CENPC: variants seen among roughly 807,000 people sequenced by gnomAD.
CENPC encodes centromere protein C.
A neutral mutation model predicts 112.1 loss-of-function variants in CENPC; 63 were observed. That is an observed-to-expected ratio of 0.56 (90% CI 0.46 to 0.69). The LOEUF (loss-of-function observed/expected upper bound fraction) is 0.69. Ranked by LOEUF, CENPC falls within the 30% of genes least tolerant of loss-of-function variation. CENPC has a pLI of 0.00. For synonymous variants in CENPC, 333 were observed against 367.6 expected, an observed-to-expected ratio of 0.91 and a Z score of 1.08; for missense variants, 1,000 against 1,103.8, an observed-to-expected ratio of 0.91 and a Z score of 1.33.
chr4:67,535,326 G>A (rs1327898135), intron 4 of CENPC, among the ~76,000 whole-genome samples: 1 of 151,716 alleles, frequency 6.6e-6, no homozygotes, highest in African/African-American at 2.4e-5. Flanking sequence ...AAAAAAGGAA[G>A]ATTTCAGATC....
At chr4:67,530,789 A>C (rs1560441712) in intron 5 of CENPC, 26 bp downstream of exon 5, 8 of 1,206,328 alleles carry the variant, frequency 6.6e-6, no homozygotes, top group Non-Finnish European at 9.4e-6. Context: ...ATCCAAGCAA[A>C]TAATGCCCAT....
At chr4:67,534,162 T>C (rs549513377) in intron 4 of CENPC, among the ~76,000 whole-genome samples, 163 of 152,254 alleles carry the variant, frequency 1.1e-3, no homozygotes, top group African/African-American at 3.6e-3. Flanking sequence ...ACACCTGTAA[T>C]CCCCATACTT....
chr4:67,506,243 C>T (rs1275383879), intron 11 of CENPC, among the ~76,000 whole-genome samples: 1 of 152,196 alleles, frequency 6.6e-6, no homozygotes, highest in Non-Finnish European at 1.5e-5. Flanking sequence ...CTTTAATACA[C>T]CACCTTTCAA....
At chr4:67,522,323 T>C (rs1726250719) in intron 5 of CENPC, among the ~76,000 whole-genome samples, 1 of 152,210 alleles carries the variant, frequency 6.6e-6, no homozygotes, top group Non-Finnish European at 1.5e-5. Flanking sequence ...TGTTCATGGA[T>C]TCAGTAAGTC....
chr4:67,506,698 A>T, intron 11 of CENPC, 90 bp downstream of exon 11: 1 of 1,071,732 alleles, frequency 9.3e-7, no homozygotes, highest in Non-Finnish European at 1.3e-6. Context: ...TTAAGCTTTT[A>T]ACAAAATTAA....
chr4:67,522,859 G>A (rs1301094578), intron 5 of CENPC, among the ~76,000 whole-genome samples: 1 of 152,108 alleles, frequency 6.6e-6, no homozygotes, highest in Non-Finnish European at 1.5e-5. Context: ...AATTATGTGG[G>A]CGCAGTGGTG....
At chr4:67,492,644 A>T (rs1458203974) in intron 15 of CENPC, 1 of 683,232 alleles carries the variant, frequency 1.5e-6, no homozygotes, top group Admixed American at 4.0e-5. Context: ...TTTGACTGGG[A>T]AATTTACTCA....
Position 67,493,873 on chromosome 4 carries a change from A to G in CENPC, c.2290+11T>C, listed in dbSNP as rs1725354415. 4.4e-6 allele frequency: 7 copies of G among 1,580,742 alleles called. No individual in the cohort carries two copies. The highest frequency in any genetic ancestry group is 2.2e-5 in the East Asian group (1 of 44,504). On this transcript the variant is annotated intron_variant, in intron 14 of 18. Transcript: ENST00000273853. ...TTTATTGACAGATATTATAACATAA[A>G]TAAGTTTTACCTGATGGCCTTCCTT...
intron 17 of CENPC, among the ~76,000 whole-genome samples, chr4:67,476,696 A>G (rs1196953935): frequency 6.6e-6 from 1 of 152,162 alleles, no homozygotes; most frequent in Non-Finnish European, 1.5e-5. Context: ...TAGGAAGTTC[A>G]GATACAAGCC....
chr4:67,537,963 T>TA (rs966483104), intron 4 of CENPC, among the ~76,000 whole-genome samples: 17 of 152,226 alleles, frequency 1.1e-4, no homozygotes, highest in African/African-American at 3.9e-4. Context: ...CATCCTGGGC[T>TA]AAAGAGTGAA....
intron 12 of CENPC, among the ~76,000 whole-genome samples, chr4:67,499,581 C>T (rs924915656): frequency 2.0e-5 from 3 of 152,200 alleles, no homozygotes; most frequent in Admixed American, 2.0e-4. Flanking sequence ...CTGGATTAGG[C>T]TTTGGCTTAA....
chr4:67,481,018 A>G (rs918590011), intron 17 of CENPC, among the ~76,000 whole-genome samples: 2 of 152,176 alleles, frequency 1.3e-5, no homozygotes, highest in Non-Finnish European at 2.9e-5. Flanking sequence ...GCTGTTTGCC[A>G]ATGATATGAT....
chr4:67,473,931 C>T (rs928939875), intron 18 of CENPC, among the ~76,000 whole-genome samples: 2 of 152,100 alleles, frequency 1.3e-5, no homozygotes, highest in Admixed American at 6.6e-5. Flanking sequence ...TTCTGCTGTT[C>T]GATAGCTGAT....
rs1317315149 is a variant in CENPC, at chr4:67,541,027, T to G, written c.89A>C (p.Gln30Pro). The change falls in exon 3 of 19, where the codon CAA (glutamine) becomes CCA (proline). Residue 30 changes from glutamine (Q) to proline (P), a missense_variant. Coordinates refer to ENST00000273853, the MANE Select transcript of CENPC (RefSeq NM_001812.4). ...TAAGATTTCCAGAACATTCTGGCCTTGCTCTGTGTTAATGTCACGTGCCCT... is the reference window on the plus strand; with the variant it reads ...TAAGATTTCCAGAACATTCTGGCCTGGCTCTGTGTTAATGTCACGTGCCCT... ...PSRARDINTEQGQNVLEILQD... is the reference protein window; with the variant it reads ...PSRARDINTEPGQNVLEILQD... The G allele has an allele frequency of 2.5e-6, 4 of 1,610,044 alleles. No individual in the cohort carries two copies. The highest frequency in any genetic ancestry group is 3.4e-6 in the Non-Finnish European group (4 of 1,178,070).
intron 2 of CENPC, among the ~76,000 whole-genome samples, chr4:67,542,018 A>G (rs1202232364): frequency 6.6e-6 from 1 of 152,210 alleles, no homozygotes; most frequent in Non-Finnish European, 1.5e-5. Flanking sequence ...GAATGTACCA[A>G]TATTTCATTG....
At position 67,472,126 on chromosome 4, in the gene CENPC, C is replaced by T. The variant is rs545096585; in HGVS notation, c.*479G>A. On this transcript the variant is annotated 3_prime_UTR_variant, in exon 19 of 19. Transcript: ENST00000273853. ...AACACCTTGATTTCAGACTTCTAGCCTCTAGAACTGAGATAATAAATTTCT... is the reference window on the plus strand; with the variant it reads ...AACACCTTGATTTCAGACTTCTAGCTTCTAGAACTGAGATAATAAATTTCT... The T allele has an allele frequency of 2.0e-5, 3 of 152,382 alleles. No individual in the cohort carries two copies. The highest frequency in any genetic ancestry group is 4.1e-4 in the South Asian group (2 of 4,832). 9.4% of individuals were successfully genotyped at this position (152,382 alleles called of 1,614,324 possible).
chr4:67,475,767 T>A (rs557921201), intron 17 of CENPC, among the ~76,000 whole-genome samples: 1 of 152,024 alleles, frequency 6.6e-6, no homozygotes, highest in South Asian at 2.1e-4. Context: ...CCTGGCTAAT[T>A]TTTTTTTGTA....
intron 5 of CENPC, among the ~76,000 whole-genome samples, chr4:67,530,505 G>T (rs1726515712): frequency 6.6e-6 from 1 of 151,420 alleles, no homozygotes; most frequent in Non-Finnish European, 1.5e-5. Context: ...TAGGAGTAAT[G>T]ACTAAATTCT....
intron 5 of CENPC, among the ~76,000 whole-genome samples, chr4:67,527,112 T>C (rs1294222123): frequency 6.6e-6 from 1 of 151,940 alleles, no homozygotes. Context: ...ATACAAAACC[T>C]GTGGAATACA....
Sources: gnomAD v4.1 joint callset for allele counts (sites outside exome capture counted in the v4.1 genomes callset) on GRCh38, gnomAD v4.1.1 for gene constraint, MANE v1.5 for transcripts, NCBI Gene and HGNC (gene_info 2026-07-23, HGNC 2026-07-21) for gene names.